Variants in CUX1 observed in about 807,000 individuals in gnomAD.
CUX1 encodes cut like homeobox 1.
In CUX1, 31 loss-of-function variants were observed where a neutral mutation model predicts 158.8. The observed-to-expected ratio is 0.20, with a 90% confidence interval of 0.15 to 0.26. The LOEUF (loss-of-function observed/expected upper bound fraction) is 0.26. Ranked by LOEUF, CUX1 falls within the 10% of genes least tolerant of loss-of-function variation. The probability of loss-of-function intolerance (pLI) is 1.00; values close to 1 mark genes in which losing one functional copy is unlikely to be tolerated. For missense variants in CUX1, 1,589 were observed against 2,014.6 expected (o/e 0.79, Z 4.04); for synonymous variants, 879 against 862.1 (o/e 1.02, Z -0.34).
At chr7:102,187,458 G>A (rs1396835003) in intron 11 of CUX1, among the ~76,000 whole-genome samples, 1 of 152,140 alleles carries the variant, frequency 6.6e-6, no homozygotes, top group Non-Finnish European at 1.5e-5. Flanking sequence ...TTACAGATGA[G>A]AAGTTTATTA....
At chr7:101,911,152 C>G (rs1187313640) in intron 1 of CUX1, among the ~76,000 whole-genome samples, 7 of 152,296 alleles carry the variant, frequency 4.6e-5, no homozygotes. Context: ...TTGGCCTGCC[C>G]CTGCAGTGGA....
intron 14 of CUX1, among the ~76,000 whole-genome samples, chr7:102,271,025 G>T (rs782251769): frequency 1.3e-5 from 2 of 152,182 alleles, no homozygotes; most frequent in Non-Finnish European, 2.9e-5. Context: ...CCACACTGGG[G>T]TGGTCACAGA....
intron 1 of CUX1, among the ~76,000 whole-genome samples, chr7:101,903,358 G>C (rs926899559): frequency 6.6e-6 from 1 of 152,158 alleles, no homozygotes; most frequent in Non-Finnish European, 1.5e-5. Context: ...CGTACCCTAG[G>C]GGGCTGGCTG....
chr7:101,882,051 G>T (rs370468165), intron 1 of CUX1, among the ~76,000 whole-genome samples: 5 of 151,870 alleles, frequency 3.3e-5, no homozygotes, highest in South Asian at 4.2e-4. Context: ...GGGCTTGGTG[G>T]TGCACGCCTG....
chr7:102,000,390 T>C lies in CUX1; in HGVS notation c.142-27708T>C, dbSNP rs748674903. ...GTCCACAAAACCACTTCCAAATGTTTTCCCAAGTGCATGCGTCTGACCCAG... is the reference window on the plus strand; with the variant it reads ...GTCCACAAAACCACTTCCAAATGTTCTCCCAAGTGCATGCGTCTGACCCAG... On this transcript the variant is annotated intron_variant, in intron 2 of 23. Transcript: ENST00000292535. Among the ~76,000 whole-genome samples the C allele has an allele frequency of 4.6e-5, 7 of 152,332 alleles. No homozygotes were observed. The East Asian group carries it at 9.6e-4, about 21-fold the overall frequency.
intron 2 of CUX1, among the ~76,000 whole-genome samples, chr7:102,004,615 C>G (rs1817097673): frequency 6.6e-6 from 1 of 152,096 alleles, no homozygotes; most frequent in African/African-American, 2.4e-5. Flanking sequence ...AGAGTCATTC[C>G]CAGGTGGAGA....
At chr7:102,269,572 A>ATTTTTTTTTTTTTTT (rs71123030) in intron 14 of CUX1, among the ~76,000 whole-genome samples, 16 of 107,774 alleles carry the variant, frequency 1.5e-4, no homozygotes, top group South Asian at 3.0e-4. Context: ...TGCCCGGCTA[A>ATTTTTTTTTTTTTTT]TTTTTTTTTT....
chr7:102,281,710 G>T, intron 20 of CUX1: 1 of 676,332 alleles, frequency 1.5e-6, no homozygotes, highest in Non-Finnish European at 2.7e-6. Flanking sequence ...CATAATGATG[G>T]AATAGGGGCC....
intron 14 of CUX1, among the ~76,000 whole-genome samples, chr7:102,268,353 A>G (rs1293074902): frequency 6.6e-6 from 1 of 151,920 alleles, no homozygotes; most frequent in Non-Finnish European, 1.5e-5. Context: ...CACCTCGACG[A>G]CAACACCTTC....
chr7:102,216,093 C>T (rs1554524459), intron 20 of CUX1, among the ~76,000 whole-genome samples: 2 of 152,154 alleles, frequency 1.3e-5, no homozygotes, highest in African/African-American at 4.8e-5. Context: ...CACTTGAGGC[C>T]GGGAGTTTGA....
At chr7:101,985,268 G>A (rs907594124) in intron 2 of CUX1, among the ~76,000 whole-genome samples, 2 of 152,160 alleles carry the variant, frequency 1.3e-5, no homozygotes, top group Non-Finnish European at 2.9e-5. Flanking sequence ...CTCTGCAGAC[G>A]GGAGAGGGGG....
intron 20 of CUX1, among the ~76,000 whole-genome samples, chr7:102,214,197 G>C (rs1796821188): frequency 6.6e-6 from 1 of 152,016 alleles, no homozygotes; most frequent in African/African-American, 2.4e-5. Context: ...GTAAACCAAG[G>C]CTCAGAGATA....
At position 102,195,614 on chromosome 7, in the gene CUX1, C is replaced by T. The variant is rs375440541; in HGVS notation, c.1222+11C>T. On this transcript the variant is annotated intron_variant, in intron 14 of 23. Transcript: ENST00000292535. ...ACAGCGACCTGAGCGGTAGGTTGGC[C>T]GGGCTTCGCGCGTGTGCGGTGGTTG... is the stretch of plus-strand genomic sequence containing the variant. The T allele has an allele frequency of 3.3e-4, 521 of 1,595,204 alleles. No individual in the cohort carries two copies. The highest frequency in any genetic ancestry group is 4.1e-4 in the Non-Finnish European group (480 of 1,172,254).
At chr7:102,052,881 C>T (rs954137885) in intron 3 of CUX1, among the ~76,000 whole-genome samples, 8 of 150,818 alleles carry the variant, frequency 5.3e-5, no homozygotes, top group Admixed American at 6.6e-5. Flanking sequence ...GATCTCGGCT[C>T]AGTGCAACCT....
intron 2 of CUX1, among the ~76,000 whole-genome samples, chr7:101,981,956 C>T (rs1054168297): frequency 1.3e-5 from 2 of 152,142 alleles, no homozygotes; most frequent in Non-Finnish European, 1.5e-5. Context: ...TTTCGCTCAG[C>T]CACATAAGTG....
At chr7:101,985,346 C>A (rs1391746697) in intron 2 of CUX1, among the ~76,000 whole-genome samples, 3 of 152,106 alleles carry the variant, frequency 2.0e-5, no homozygotes, top group Non-Finnish European at 2.9e-5. Flanking sequence ...CAGACAGGCC[C>A]TGGGGGTTCA....
chr7:102,162,840 G>A (rs1237523117), intron 9 of CUX1, among the ~76,000 whole-genome samples: 2 of 152,144 alleles, frequency 1.3e-5, no homozygotes, highest in Non-Finnish European at 2.9e-5. Flanking sequence ...CAGTGGTCTG[G>A]CTCTCCAGAG....
At chr7:101,933,176 C>T (rs547668869) in intron 2 of CUX1, among the ~76,000 whole-genome samples, 1 of 152,040 alleles carries the variant, frequency 6.6e-6, no homozygotes, top group South Asian at 2.1e-4. Flanking sequence ...TCTCTCCTAC[C>T]GTGTCTCCAG....
chr7:102,232,258 A>G (rs1554531100), intron 21 of CUX1, among the ~76,000 whole-genome samples: 1 of 152,100 alleles, frequency 6.6e-6, no homozygotes, highest in Non-Finnish European at 1.5e-5. Context: ...AGGTAGAACA[A>G]TTGCTTGAGC....
Sources: gnomAD v4.1 joint callset for allele counts (sites outside exome capture counted in the v4.1 genomes callset) on GRCh38, gnomAD v4.1.1 for gene constraint, MANE v1.5 for transcripts, NCBI Gene and HGNC (gene_info 2026-07-23, HGNC 2026-07-21) for gene names.